RASSF2: variants seen among roughly 807,000 people sequenced by gnomAD.
RASSF2 encodes the protein Ras association domain family member 2.
Under a neutral mutation model 46.3 loss-of-function variants are expected in RASSF2, and 34 were observed. That is an observed-to-expected ratio of 0.73 (90% CI 0.56 to 0.98). RASSF2 has a LOEUF of 0.98. RASSF2 is among the 50% of genes least tolerant of loss of function. RASSF2 has a pLI of 0.00. For missense variants in RASSF2, 364 were observed against 431.2 expected (o/e 0.84, Z 1.38); for synonymous variants, 158 against 162.5 (o/e 0.97, Z 0.21).
chr20:4,816,736 C>T (rs537298323), intron 2 of RASSF2, among the ~76,000 whole-genome samples: 2 of 152,264 alleles, frequency 1.3e-5, no homozygotes, highest in Admixed American at 1.3e-4. Context: ...GACATTTTAC[C>T]ATACATCCTT....
intron 5 of RASSF2, chr20:4,793,140 TTTGGAAGGG>T: frequency 6.2e-6 from 1 of 161,296 alleles, no homozygotes; most frequent in South Asian, 1.6e-4. Flanking sequence ...CAGGGGCAGC[TTTGGAAGGG>T]ACACTGACAG....
Position 4,795,508 on chromosome 20 carries a change from C to A in RASSF2, c.287+307G>T. 3.8e-6 allele frequency: 1 copy of A among 260,236 alleles called. No homozygotes were observed. The highest frequency in any genetic ancestry group is 7.3e-6 in the Non-Finnish European group (1 of 136,578). The allele number at this position is 260,236 out of a possible 1,614,324, so 16.1% of individuals were successfully genotyped here. A position where few individuals can be genotyped will look rare whatever the true frequency, so the allele number is the denominator to read the frequency against. ...CAGGCTGGGCCTCACTAGCCACTAG[C>A]AGCTCCACTCAGAGACTCCTGAGTT... is the stretch of plus-strand genomic sequence containing the variant. On this transcript the variant is annotated intron_variant, in intron 5 of 11. Transcript: ENST00000379400. This position sits in a 1 kb window ranked among gnomAD's most constrained non-coding sequence, Gnocchi z 4.0.
chr20:4,784,315 T>C lies in RASSF2; in HGVS notation c.939A>G (p.Arg313=). The C allele has an allele frequency of 6.2e-7, 1 of 1,613,956 alleles. No homozygotes were observed. Residue 313 remains arginine, a synonymous_variant, in exon 12 of 12, where the codon CGA becomes CGG. Coordinates refer to ENST00000379400, the MANE Select transcript of RASSF2 (RefSeq NM_014737.3). The part of the protein sequence containing the change: ...RKYTVLRLMI[R]QRLEEIAETP... The stretch of plus-strand genomic sequence containing the variant: ...TCTCGGCTATCTCCTCCAGCCTCTG[T>C]CGAATCATTAGCCGGAGCACGGTGT...
intron 1 of RASSF2, among the ~76,000 whole-genome samples, chr20:4,822,719 AC>A (rs1214812433): frequency 6.6e-6 from 1 of 152,198 alleles, no homozygotes; most frequent in Admixed American, 6.5e-5. Context: ...GGGCGGGGAG[AC>A]CGCAAAGGGG....
rs1259613609 is a variant in RASSF2, at chr20:4,784,034, G to A, written c.*239C>T. ...CACACATGTACACACACACATTTTG[G>A]GTCCTCCTTATAACTAAAATCAAAA... is the stretch of plus-strand genomic sequence containing the variant. On this transcript the variant is annotated 3_prime_UTR_variant, in exon 12 of 12. Coordinates refer to ENST00000379400, the MANE Select transcript of RASSF2 (RefSeq NM_014737.3). 4 of 557,926 alleles carry A rather than the reference G, an allele frequency of 7.2e-6. No individual in the cohort carries two copies. Among genetic ancestry groups the A allele is most frequent in the Non-Finnish European group, 1.3e-5 (4 of 309,870 alleles). 34.6% of individuals were successfully genotyped at this position (557,926 alleles called of 1,614,324 possible). A position where few individuals can be genotyped will look rare whatever the true frequency, so the allele number is the denominator to read the frequency against.
chr20:4,789,626 C>G lies in RASSF2; in HGVS notation c.609G>C (p.Gln203His). Residue 203 changes from glutamine (Q) to histidine (H), a missense_variant, in exon 8 of 12, where the codon CAG becomes CAC. Physicochemically the swap from Gln to His is conservative, Grantham distance 24. Coordinates refer to ENST00000379400, the MANE Select transcript of RASSF2 (RefSeq NM_014737.3). The part of the protein sequence containing the change: ...VRINSTMTTP[Q>H]VLKLLLNKFK... ...ATTTGTTGAGCAGCAGCTTCAGGAC[C>G]TGTGGGGTGGTCATGGTGCTGTTGA... 1 of 1,614,164 alleles carries G rather than the reference C, an allele frequency of 6.2e-7. No homozygotes were observed. The highest frequency in any genetic ancestry group is 8.5e-7 in the Non-Finnish European group (1 of 1,180,026).
chr20:4,819,864 G>C (rs190337701), intron 2 of RASSF2, among the ~76,000 whole-genome samples: 1 of 152,342 alleles, frequency 6.6e-6, no homozygotes, highest in East Asian at 1.9e-4. Context: ...GGCCTTGGAA[G>C]TCATTTTGCC....
In RASSF2 at chr20:4,782,969, C is replaced by T. The variant is rs1924972601; in HGVS notation, c.*1304G>A. 2 of 152,324 alleles carry T rather than the reference C, an allele frequency of 1.3e-5. No homozygotes were observed. The highest frequency in any genetic ancestry group is 6.5e-5 in the Admixed American group (1 of 15,286). 9.4% of individuals were successfully genotyped at this position (152,324 alleles called of 1,614,324 possible). A position where few individuals can be genotyped will look rare whatever the true frequency, so the allele number is the denominator to read the frequency against. On this transcript the variant is annotated 3_prime_UTR_variant, in exon 12 of 12. Transcript: ENST00000379400. Reference sequence around the variant, plus strand: ...AAGCTTCCTGATAGGAGTCCCAGGGCACAGACTGTTCTTGCCCTTTTCTCC... The same window carrying T: ...AAGCTTCCTGATAGGAGTCCCAGGGTACAGACTGTTCTTGCCCTTTTCTCC...
intron 2 of RASSF2, among the ~76,000 whole-genome samples, chr20:4,807,137 G>A (rs1017678907): frequency 1.3e-5 from 2 of 152,194 alleles, no homozygotes; most frequent in African/African-American, 4.8e-5. Flanking sequence ...CTAAATAGCA[G>A]GGGAAAGGTA....
At chr20:4,797,191 A>G (rs1479677881) in intron 4 of RASSF2, among the ~76,000 whole-genome samples, 2 of 152,162 alleles carry the variant, frequency 1.3e-5, no homozygotes. Context: ...GTAGGTCAAA[A>G]TTTAACCCAA....
intron 3 of RASSF2, among the ~76,000 whole-genome samples, chr20:4,800,177 C>G (rs746143533): frequency 3.9e-5 from 6 of 151,904 alleles, no homozygotes. Flanking sequence ...TATTTTGGCT[C>G]AAGCCCAGTC....
intron 10 of RASSF2, among the ~76,000 whole-genome samples, chr20:4,786,753 T>G (rs1317074808): frequency 6.6e-6 from 1 of 152,122 alleles, no homozygotes; most frequent in East Asian, 1.9e-4. Flanking sequence ...ATGAACTCGC[T>G]TTGGAGAGGC....
At chr20:4,810,158 G>A (rs1166167207) in intron 2 of RASSF2, among the ~76,000 whole-genome samples, 3 of 152,314 alleles carry the variant, frequency 2.0e-5, no homozygotes, top group East Asian at 1.9e-4. Context: ...CCAGCCTGGC[G>A]CTGGAGCCTA....
In RASSF2 at chr20:4,781,680, C is replaced by G. The variant is rs1263021563; in HGVS notation, c.*2593G>C. The G allele has an allele frequency of 6.6e-6, 1 of 152,204 alleles. No homozygotes were observed. Among genetic ancestry groups the G allele is most frequent in the Admixed American group, 6.5e-5 (1 of 15,274 alleles). 9.4% of individuals were successfully genotyped at this position (152,204 alleles called of 1,614,324 possible). The stretch of plus-strand genomic sequence containing the variant: ...TCACTTGATCACCTTGTAACATAAG[C>G]CCCTCCCGGGGTGGGGGTGGTGGGG... On this transcript the variant is annotated 3_prime_UTR_variant, in exon 12 of 12. Coordinates refer to ENST00000379400, the MANE Select transcript of RASSF2 (RefSeq NM_014737.3).
At chr20:4,799,171 T>TA (rs1269994416) in intron 3 of RASSF2, among the ~76,000 whole-genome samples, 1 of 151,912 alleles carries the variant, frequency 6.6e-6, no homozygotes, top group African/African-American at 2.4e-5. Context: ...TTCTAAAAAT[T>TA]AAAAAATAAA....
intron 2 of RASSF2, chr20:4,815,110 GA>G (rs1928191505): frequency 6.6e-6 from 1 of 152,208 alleles, no homozygotes. Context: ...ACCTAACAAG[GA>G]ACTCACAGCA....
chr20:4,802,168 C>T (rs1926924124), intron 2 of RASSF2, among the ~76,000 whole-genome samples: 1 of 151,998 alleles, frequency 6.6e-6, no homozygotes, highest in Non-Finnish European at 1.5e-5. Flanking sequence ...AATCCCTGGG[C>T]TCCCTCGATC....
intron 2 of RASSF2, among the ~76,000 whole-genome samples, chr20:4,819,298 T>C (rs1928540540): frequency 6.6e-6 from 1 of 152,118 alleles, no homozygotes; most frequent in Non-Finnish European, 1.5e-5. Context: ...TAACTATAAG[T>C]TAAAGCCTGT....
At chr20:4,793,920 G>C (rs531717134) in intron 5 of RASSF2, among the ~76,000 whole-genome samples, 2 of 152,174 alleles carry the variant, frequency 1.3e-5, no homozygotes, top group Non-Finnish European at 2.9e-5. Flanking sequence ...GCAGAGAAGG[G>C]AGAAGAAGCA....
Sources: gnomAD v4.1 joint callset for allele counts (sites outside exome capture counted in the v4.1 genomes callset) on GRCh38, gnomAD v4.1.1 for gene constraint, Gnocchi (gnomAD v3.1) non-coding constraint, MANE v1.5 for transcripts, NCBI Gene and HGNC (gene_info 2026-07-23, HGNC 2026-07-21) for gene names.